The following CSRNP3 variants were observed in gnomAD, a reference collection of about 807,000 sequenced individuals.
The protein encoded by CSRNP3 is cysteine/serine-rich nuclear protein 3.
CSRNP3 carries 12 observed loss-of-function variants against 48.0 expected under a neutral mutation model. The observed-to-expected ratio is 0.25, with a 90% CI of 0.16 to 0.41. The LOEUF is 0.41. CSRNP3 is among the 10% of genes least tolerant of loss of function. CSRNP3 has a pLI of 1.00. For missense variants in CSRNP3, 580 were observed against 724.4 expected (o/e 0.80, Z 2.29); for synonymous variants, 263 against 269.7 (o/e 0.98, Z 0.24).
At chr2:165,677,055 A>G (rs777344) in intron 6 of CSRNP3, among the ~76,000 whole-genome samples, 102,591 of 151,986 alleles carry the variant, frequency 0.68, 35,798 homozygotes, top group South Asian at 0.78. Flanking sequence ...GCAGAAAATG[A>G]AATTGTACTT....
intron 6 of CSRNP3, among the ~76,000 whole-genome samples, chr2:165,678,078 G>A (rs1687458360): frequency 6.6e-6 from 1 of 152,102 alleles, no homozygotes; most frequent in Admixed American, 6.6e-5. Context: ...ACACACACAT[G>A]CACCCATGTA....
chr2:165,607,238 C>T (rs1573914476), intron 4 of CSRNP3, among the ~76,000 whole-genome samples: 1 of 152,058 alleles, frequency 6.6e-6, no homozygotes, highest in East Asian at 1.9e-4. Context: ...TACTAGTTTT[C>T]TTTTGTGTAT....
At chr2:165,483,789 C>T (rs1684078635) in intron 1 of CSRNP3, among the ~76,000 whole-genome samples, 1 of 152,186 alleles carries the variant, frequency 6.6e-6, no homozygotes, top group Non-Finnish European at 1.5e-5. Flanking sequence ...TTCTGGGGTC[C>T]CTTATAAGGG....
At chr2:165,605,772 A>G (rs1047455518) in intron 4 of CSRNP3, among the ~76,000 whole-genome samples, 2 of 152,154 alleles carry the variant, frequency 1.3e-5, no homozygotes. Context: ...ATATTATAGT[A>G]TATATTATAT....
intron 4 of CSRNP3, among the ~76,000 whole-genome samples, chr2:165,607,873 C>A (rs1209230459): frequency 6.6e-6 from 1 of 151,884 alleles, no homozygotes; most frequent in Non-Finnish European, 1.5e-5. Flanking sequence ...AATCATTTAA[C>A]CTGTTTCTTC....
chr2:165,637,617 G>A (rs1430568733), intron 4 of CSRNP3, among the ~76,000 whole-genome samples: 1 of 152,160 alleles, frequency 6.6e-6, no homozygotes, highest in Admixed American at 6.5e-5. Flanking sequence ...ATGCTTAATG[G>A]AGTTTTGAAA....
intron 2 of CSRNP3, among the ~76,000 whole-genome samples, chr2:165,501,596 A>G (rs1246962007): frequency 6.6e-6 from 1 of 152,154 alleles, no homozygotes; most frequent in Admixed American, 6.6e-5. Flanking sequence ...TTTGGCAGGC[A>G]TTGTGCTGAA....
intron 3 of CSRNP3, among the ~76,000 whole-genome samples, chr2:165,532,567 A>G (rs1263240771): frequency 6.6e-6 from 1 of 152,038 alleles, no homozygotes; most frequent in Non-Finnish European, 1.5e-5. Flanking sequence ...TCTCAAAATA[A>G]TAAGAGCTAT....
intron 3 of CSRNP3, among the ~76,000 whole-genome samples, chr2:165,588,258 C>T (rs1243756668): frequency 2.0e-5 from 3 of 152,154 alleles, no homozygotes; most frequent in African/African-American, 7.2e-5. Flanking sequence ...AGGCCAGTGG[C>T]TCAAATGAGG....
At chr2:165,554,042 G>A (rs1412418580) in intron 3 of CSRNP3, among the ~76,000 whole-genome samples, 3 of 152,004 alleles carry the variant, frequency 2.0e-5, no homozygotes, top group Non-Finnish European at 2.9e-5. Context: ...AGTGCCTTTC[G>A]CGTTTCTAAG....
intron 2 of CSRNP3, among the ~76,000 whole-genome samples, chr2:165,514,475 G>A (rs896486455): frequency 2.6e-5 from 4 of 152,222 alleles, no homozygotes; most frequent in Admixed American, 1.3e-4. Flanking sequence ...CAGGGTGAGC[G>A]CTGTAGATCT....
chr2:165,572,829 G>A (rs753600351), intron 3 of CSRNP3, among the ~76,000 whole-genome samples: 4 of 152,056 alleles, frequency 2.6e-5, no homozygotes, highest in Admixed American at 6.6e-5. Flanking sequence ...AAATTTATGG[G>A]TAAGAAATAA....
intron 4 of CSRNP3, among the ~76,000 whole-genome samples, chr2:165,626,818 CA>C (rs1414650234): frequency 2.6e-5 from 4 of 152,176 alleles, no homozygotes; most frequent in Non-Finnish European, 4.4e-5. Context: ...ATATTCTTCG[CA>C]AACCAAGAAA....
intron 2 of CSRNP3, among the ~76,000 whole-genome samples, chr2:165,507,474 C>T (rs1684442432): frequency 6.6e-6 from 1 of 152,080 alleles, no homozygotes; most frequent in Non-Finnish European, 1.5e-5. Flanking sequence ...TCATTTAGGG[C>T]TCCTCTGTAT....
rs371184548 is a variant in CSRNP3, at chr2:165,681,760, TACACACACACACAC to T, written c.*2011_*2024del. ...ATATATATATATATATATATATATA[TACACACACACACAC>T]ACATACACATATATATACACATATA... On this transcript the variant is annotated 3_prime_UTR_variant, in exon 7 of 7. Coordinates refer to ENST00000651982, the MANE Select transcript of CSRNP3 (RefSeq NM_001172173.2). 4.5e-5 allele frequency: 2 copies of T among 44,716 alleles called. No homozygotes were observed. The highest frequency in any genetic ancestry group is 6.0e-4 in the South Asian group (1 of 1,664). The allele number at this position is 44,716 out of a possible 1,614,324, so 2.8% of individuals were successfully genotyped here. A position where few individuals can be genotyped will look rare whatever the true frequency, so the allele number is the denominator to read the frequency against.
chr2:165,652,638 G>A (rs559975014), intron 4 of CSRNP3, among the ~76,000 whole-genome samples: 54 of 152,178 alleles, frequency 3.5e-4, no homozygotes, highest in Admixed American at 1.2e-3. Context: ...TGCCTCCTGG[G>A]CTCAAGTGAT....
At chr2:165,632,005 C>T (rs961411690) in intron 4 of CSRNP3, among the ~76,000 whole-genome samples, 1 of 152,202 alleles carries the variant, frequency 6.6e-6, no homozygotes, top group African/African-American at 2.4e-5. Context: ...AGAGCATCAA[C>T]CTAACTCAAG....
intron 3 of CSRNP3, among the ~76,000 whole-genome samples, chr2:165,522,977 C>T (rs1055220617): frequency 6.6e-6 from 1 of 152,106 alleles, no homozygotes; most frequent in Non-Finnish European, 1.5e-5. Flanking sequence ...TGACTGTGGT[C>T]GGCCACTATT....
intron 3 of CSRNP3, among the ~76,000 whole-genome samples, chr2:165,567,162 C>T (rs1467289806): frequency 6.6e-6 from 1 of 152,102 alleles, no homozygotes; most frequent in Non-Finnish European, 1.5e-5. Flanking sequence ...TTGACTTTAG[C>T]ATATGCTATT....
Sources: gnomAD v4.1 joint callset for allele counts (sites outside exome capture counted in the v4.1 genomes callset) on GRCh38, gnomAD v4.1.1 for gene constraint, MANE v1.5 for transcripts, NCBI Gene and HGNC (gene_info 2026-07-23, HGNC 2026-07-21) for gene names.